The following SLC8A1 variants were observed in gnomAD, a reference collection of about 807,000 sequenced individuals.
The protein encoded by SLC8A1 is sodium/calcium exchanger 1.
In SLC8A1, 18 loss-of-function variants were observed where a neutral mutation model predicts 68.3. That is an observed-to-expected ratio of 0.26 (90% CI 0.18 to 0.39). The LOEUF is 0.39. Ranked by LOEUF, SLC8A1 falls within the 10% of genes least tolerant of loss-of-function variation. The pLI is 1.00. For synonymous variants in SLC8A1, 475 were observed against 415.5 expected (o/e 1.14, Z -1.74); for missense variants, 985 against 1,156.7 (o/e 0.85, Z 2.15).
exon 6 of SLC8A1, chr2:40,160,853 G>T: frequency 6.2e-7 from 1 of 1,612,252 alleles, no homozygotes; most frequent in South Asian, 1.1e-5. Context: ...TAATGAGTTT[G>T]TCCACAGTAC....
At chr2:40,410,286 A>T (rs1332847215) in intron 2 of SLC8A1, among the ~76,000 whole-genome samples, 1 of 152,096 alleles carries the variant, frequency 6.6e-6, no homozygotes, top group African/African-American at 2.4e-5. Flanking sequence ...ATACCAGCAA[A>T]ATCTTTCAAT....
chr2:40,455,576 C>A (rs1382996750), upstream of SLC8A1, among the ~76,000 whole-genome samples: 1 of 152,086 alleles, frequency 6.6e-6, no homozygotes, highest in Non-Finnish European at 1.5e-5. Flanking sequence ...CCTAGCCTGG[C>A]CAGTGAGTGG....
At chr2:40,405,715 T>C (rs995821125) in intron 2 of SLC8A1, among the ~76,000 whole-genome samples, 2 of 152,196 alleles carry the variant, frequency 1.3e-5, no homozygotes, top group Non-Finnish European at 2.9e-5. Flanking sequence ...TTTTAATGAG[T>C]TCCAGTGTTT....
At chr2:40,277,552 C>A (rs1469725697) in intron 2 of SLC8A1, among the ~76,000 whole-genome samples, 1 of 151,416 alleles carries the variant, frequency 6.6e-6, no homozygotes, top group African/African-American at 2.4e-5. Flanking sequence ...GAAAAAAAAC[C>A]AAAACAGATA....
chr2:40,343,120 A>G (rs1489176415), intron 2 of SLC8A1, among the ~76,000 whole-genome samples: 1 of 152,164 alleles, frequency 6.6e-6, no homozygotes, highest in African/African-American at 2.4e-5. Context: ...GACAAAAGAT[A>G]TATGATTCAA....
At chr2:40,204,367 C>T (rs535831410) in intron 2 of SLC8A1, among the ~76,000 whole-genome samples, 2 of 152,038 alleles carry the variant, frequency 1.3e-5, no homozygotes, top group Admixed American at 6.6e-5. Flanking sequence ...TAAGAAAATC[C>T]GCTACGGGTT....
intron 2 of SLC8A1, among the ~76,000 whole-genome samples, chr2:40,385,097 T>A (rs1054687617): frequency 6.6e-6 from 1 of 152,072 alleles, no homozygotes; most frequent in Non-Finnish European, 1.5e-5. Context: ...AAAATTCAAC[T>A]CTTATAGTAC....
At chr2:40,281,683 G>C (rs1331728836) in intron 2 of SLC8A1, among the ~76,000 whole-genome samples, 1 of 152,222 alleles carries the variant, frequency 6.6e-6, no homozygotes, top group Non-Finnish European at 1.5e-5. Flanking sequence ...AGTCTGTGGA[G>C]CTGGGAATGT....
chr2:40,462,001 C>CTTTTTTTTTTTTTTTTTTTTTTTTTTT lies in SLC8A1; in HGVS notation c.-24-31698_-24-31697insAAAAAAAAAAAAAAAAAAAAAAAAAAA, dbSNP rs370223854. 2.4e-3 allele frequency among the ~76,000 whole-genome samples: 162 copies of CTTTTTTTTTTTTTTTTTTTTTTTTTTT among 66,144 alleles called. 27 individuals are homozygous for CTTTTTTTTTTTTTTTTTTTTTTTTTTT. The highest frequency in any genetic ancestry group is 3.5e-3 in the African/African-American group (57 of 16,482). 43.4% of individuals were successfully genotyped at this position (66,144 alleles called of 152,430 possible). On this transcript the variant is annotated intron_variant, in intron 1 of 7. Transcript: ENST00000402441. Reference sequence around the variant, plus strand: ...CCTCTCATTTTAAAGTAAAATCCTCCTTTTTTTTTTTTTTTTTTTTTTTGA... The same window carrying CTTTTTTTTTTTTTTTTTTTTTTTTTTT: ...CCTCTCATTTTAAAGTAAAATCCTCCTTTTTTTTTTTTTTTTTTTTTTTTTTTTTTTTTTTTTTTTTTTTTTTTTTGA...
intron 2 of SLC8A1, among the ~76,000 whole-genome samples, chr2:40,180,379 T>C (rs2148578998): frequency 6.6e-6 from 1 of 152,286 alleles, no homozygotes; most frequent in Non-Finnish European, 1.5e-5. Context: ...AATTTGATGT[T>C]GTAAAATAGA....
At chr2:40,289,988 C>G (rs767343165) in intron 2 of SLC8A1, among the ~76,000 whole-genome samples, 5 of 151,872 alleles carry the variant, frequency 3.3e-5, no homozygotes, top group African/African-American at 1.2e-4. Flanking sequence ...GTAGTTGGTG[C>G]TAGGAGAAGT....
chr2:40,288,579 G>A (rs1019678970), intron 2 of SLC8A1, among the ~76,000 whole-genome samples: 1 of 152,052 alleles, frequency 6.6e-6, no homozygotes, highest in South Asian at 2.1e-4. Context: ...GCTGCAGCCA[G>A]TTCATCCTGG....
intron 2 of SLC8A1, among the ~76,000 whole-genome samples, chr2:40,328,992 A>G (rs977462): frequency 0.3 from 45,728 of 151,192 alleles, 7,776 homozygotes; most frequent in East Asian, 0.45. Context: ...ACATTAATGT[A>G]TCCCTCCTGG....
chr2:40,214,976 G>A (rs2057227659), intron 2 of SLC8A1, among the ~76,000 whole-genome samples: 1 of 152,048 alleles, frequency 6.6e-6, no homozygotes, highest in Non-Finnish European at 1.5e-5. Context: ...GGACTAGTTT[G>A]GGATGGTCCC....
chr2:40,307,650 C>T (rs2072912644), intron 2 of SLC8A1, among the ~76,000 whole-genome samples: 1 of 152,202 alleles, frequency 6.6e-6, no homozygotes, highest in South Asian at 2.1e-4. Flanking sequence ...GGTACAGTCT[C>T]TGATGAGACT....
chr2:40,188,847 T>G (rs933060173), intron 2 of SLC8A1, among the ~76,000 whole-genome samples: 4 of 152,234 alleles, frequency 2.6e-5, no homozygotes. Flanking sequence ...TCTGTCTGCA[T>G]GTACTCTTGT....
At chr2:40,447,143 T>C (rs1701593947) in intron 1 of SLC8A1, among the ~76,000 whole-genome samples, 1 of 152,210 alleles carries the variant, frequency 6.6e-6, no homozygotes, top group Non-Finnish European at 1.5e-5. Context: ...CTATTACATG[T>C]ACAAGAAACC....
At chr2:40,441,428 G>A (rs1177717374) in intron 1 of SLC8A1, among the ~76,000 whole-genome samples, 4 of 149,244 alleles carry the variant, frequency 2.7e-5, no homozygotes, top group East Asian at 2.0e-4. Context: ...GTTTCATATC[G>A]AACAAAAAAA....
chr2:40,129,522 C>T (rs893770626), intron 7 of SLC8A1, among the ~76,000 whole-genome samples: 9 of 152,170 alleles, frequency 5.9e-5, no homozygotes, highest in African/African-American at 2.2e-4. Flanking sequence ...AGACGTGAGC[C>T]AGCACACCTG....
Sources: allele counts gnomAD v4.1 joint callset (sites outside exome capture counted in the v4.1 genomes callset), GRCh38; gene constraint gnomAD v4.1.1; transcripts MANE v1.5; gene names NCBI Gene and HGNC (gene_info 2026-07-23, HGNC 2026-07-21).